Variants in WDR27 observed in about 807,000 individuals in gnomAD.
WDR27 encodes WD repeat domain 27.
WDR27 carries 100 observed loss-of-function variants against 114.4 expected under a neutral mutation model. The ratio of observed to expected loss-of-function variants is 0.87; its 90% confidence interval spans 0.74 to 1.03. The LOEUF (loss-of-function observed/expected upper bound fraction) is 1.03, where lower values mean the gene tolerates loss of function less well. WDR27 is among the 50% of genes least tolerant of loss of function. WDR27 has a pLI of 0.00. For synonymous variants in WDR27, 449 were observed against 423.1 expected, an observed-to-expected ratio of 1.06 and a Z score of -0.75; for missense variants, 1,129 against 1,092.9, an observed-to-expected ratio of 1.03 and a Z score of -0.47.
intron 25 of WDR27, among the ~76,000 whole-genome samples, chr6:169,569,041 C>A (rs1800944296): frequency 6.6e-6 from 1 of 151,852 alleles, no homozygotes; most frequent in African/African-American, 2.4e-5. Context: ...AGCCCCTCTT[C>A]CATCAACAGA....
chr6:169,637,836 T>A (rs1253626868), intron 18 of WDR27, among the ~76,000 whole-genome samples: 1 of 151,968 alleles, frequency 6.6e-6, no homozygotes, highest in Non-Finnish European at 1.5e-5. Context: ...TGCGTATGTG[T>A]ATGCATCTAC....
At chr6:169,647,945 C>A in intron 15 of WDR27, 75 bp from the exon 16 acceptor site, 2 of 1,050,420 alleles carry the variant, frequency 1.9e-6, no homozygotes. Context: ...AAGCAAGAAA[C>A]GAAGTGGGCT....
intron 17 of WDR27, among the ~76,000 whole-genome samples, chr6:169,642,834 C>G (rs1433279981): frequency 6.6e-6 from 1 of 152,246 alleles, no homozygotes; most frequent in African/African-American, 2.4e-5. Context: ...AATGACTGCC[C>G]TTGGGGTGGT....
intron 23 of WDR27, among the ~76,000 whole-genome samples, chr6:169,595,636 T>C (rs1264825944): frequency 6.6e-6 from 1 of 152,232 alleles, no homozygotes; most frequent in African/African-American, 2.4e-5. Context: ...CTCCCAGTTT[T>C]GTACTATTAA....
intron 18 of WDR27, among the ~76,000 whole-genome samples, chr6:169,637,126 T>C (rs930972045): frequency 1.3e-5 from 2 of 152,226 alleles, no homozygotes; most frequent in African/African-American, 4.8e-5. Context: ...GTGAGTTTCC[T>C]ACCATTGCCT....
At chr6:169,527,790 T>C (rs1008746184) in intron 25 of WDR27, among the ~76,000 whole-genome samples, 2 of 152,204 alleles carry the variant, frequency 1.3e-5, no homozygotes, top group African/African-American at 4.8e-5. Context: ...GGAGCATATA[T>C]TAAAATTTGT....
At chr6:169,468,479 A>G (rs987126436) in intron 25 of WDR27, among the ~76,000 whole-genome samples, 1 of 152,218 alleles carries the variant, frequency 6.6e-6, no homozygotes, top group Non-Finnish European at 1.5e-5. Context: ...AAATCCCCTT[A>G]CAAAACCATC....
chr6:169,649,144 T>C (rs1399622798), intron 15 of WDR27, 54 bp downstream of exon 15: 3 of 1,453,194 alleles, frequency 2.1e-6, no homozygotes, highest in East Asian at 4.9e-5. Context: ...GTTAAAGTGT[T>C]GGAAAGGTCT....
chr6:169,626,832 A>C (rs1048784133), intron 21 of WDR27, among the ~76,000 whole-genome samples: 1 of 152,224 alleles, frequency 6.6e-6, no homozygotes, highest in African/African-American at 2.4e-5. Context: ...TGTAAAACAG[A>C]TAAAGGCAGA....
At chr6:169,504,437 T>C (rs1279168983) in intron 25 of WDR27, among the ~76,000 whole-genome samples, 7 of 152,202 alleles carry the variant, frequency 4.6e-5, no homozygotes, top group Non-Finnish European at 1.0e-4. Context: ...GTTTTATAAA[T>C]GGCTGCCACC....
chr6:169,616,290 C>A (rs536575479), intron 21 of WDR27, among the ~76,000 whole-genome samples: 2 of 152,250 alleles, frequency 1.3e-5, no homozygotes, highest in South Asian at 2.1e-4. Context: ...GAGATCGAGA[C>A]CAGCCTGGCC....
At chr6:169,570,139 G>A (rs769643736) in intron 25 of WDR27, among the ~76,000 whole-genome samples, 8 of 152,256 alleles carry the variant, frequency 5.3e-5, no homozygotes, top group South Asian at 4.1e-4. Flanking sequence ...GATCTCTTGC[G>A]CTTGATGCTG....
intron 25 of WDR27, among the ~76,000 whole-genome samples, chr6:169,508,329 C>G (rs1792281248): frequency 6.6e-6 from 1 of 152,218 alleles, no homozygotes; most frequent in Non-Finnish European, 1.5e-5. Flanking sequence ...TGAGGAAAGC[C>G]ATACACCAAT....
In WDR27 at chr6:169,651,969, T is replaced by C. The variant is rs376159265; in HGVS notation, c.1442A>G (p.His481Arg). The C allele has an allele frequency of 8.7e-6, 14 of 1,613,760 alleles. No individual in the cohort carries two copies. The highest frequency in any genetic ancestry group is 1.3e-5 in the African/African-American group (1 of 74,930). The change falls in exon 14 of 26, where the codon CAT becomes CGT. Residue 481 changes from histidine (H) to arginine (R), a missense_variant. Transcript: ENST00000448612. The part of the protein sequence containing the change: ...NVMKDQRLVF[H>R]SKVRSSGYAS... ...ATAACCAGATGACCTAACTTTACTA[T>C]GGAAAACCAGGCGTTGGTCCTTCAT...
Position 169,602,264 on chromosome 6 carries a change from G to A in WDR27, c.2379C>T (p.Phe793=). 6.4e-7 allele frequency: 1 copy of A among 1,566,708 alleles called. No individual in the cohort carries two copies. The highest frequency in any genetic ancestry group is 1.2e-5 in the South Asian group (1 of 84,794). ...PTRGYPCGIA[F]SPCGRFAACG... ...AAGCCGCGAATCGTCCACAAGGACT[G>A]AAAGCGATTCCACATGGATAGCCGC... Residue 793 remains phenylalanine (F), a synonymous_variant, in exon 23 of 26, where the codon TTC becomes TTT. Coordinates refer to ENST00000448612, the MANE Select transcript of WDR27 (RefSeq NM_182552.5).
At chr6:169,493,440 G>C (rs1170330586) in intron 25 of WDR27, among the ~76,000 whole-genome samples, 1 of 152,102 alleles carries the variant, frequency 6.6e-6, no homozygotes, top group Non-Finnish European at 1.5e-5. Context: ...ATATACTACT[G>C]TCTCACTGAC....
chr6:169,599,695 T>A (rs1047185618), intron 23 of WDR27, among the ~76,000 whole-genome samples: 14 of 152,200 alleles, frequency 9.2e-5, no homozygotes, highest in African/African-American at 2.9e-4. Flanking sequence ...ATTTTGTTGA[T>A]CTTTTCAAAA....
At position 169,610,806 on chromosome 6, in the gene WDR27, T is replaced by C. The variant is rs1052015367; in HGVS notation, c.2321+2753A>G. Among the ~76,000 whole-genome samples the C allele has an allele frequency of 2.6e-5, 4 of 152,178 alleles. No individual in the cohort carries two copies. In the East Asian group the frequency reaches 7.7e-4, roughly 29 times the overall value. On this transcript the variant is annotated intron_variant, in intron 22 of 25. Transcript: ENST00000448612. ...AGTAACTCAGAAATGAAAAACCTAA[T>C]ACCTTATATTCTTACTTGTAAGTGG... is the stretch of plus-strand genomic sequence containing the variant.
At chr6:169,616,572 A>C (rs950057221) in intron 21 of WDR27, among the ~76,000 whole-genome samples, 1 of 152,222 alleles carries the variant, frequency 6.6e-6, no homozygotes, top group African/African-American at 2.4e-5. Flanking sequence ...AGTAATTAAA[A>C]AAATCAAGCA....
Sources: allele counts gnomAD v4.1 joint callset (sites outside exome capture counted in the v4.1 genomes callset), GRCh38; gene constraint gnomAD v4.1.1; transcripts MANE v1.5; gene names NCBI Gene and HGNC (gene_info 2026-07-23, HGNC 2026-07-21).